Variants in GYS2 observed in about 807,000 individuals in gnomAD.
The protein encoded by GYS2 is glycogen [starch] synthase, liver.
GYS2 carries 80 observed loss-of-function variants against 85.6 expected under a neutral mutation model. The observed-to-expected ratio is 0.93, with a 90% CI of 0.78 to 1.13. The LOEUF is 1.13. Among genes scored for constraint, GYS2 ranks in the 50% most tolerant of loss-of-function variants. GYS2 has a pLI of 0.00. For missense variants in GYS2, 881 were observed against 854.9 expected (o/e 1.03, Z -0.38); for synonymous variants, 328 against 300.7 (o/e 1.09, Z -0.94).
intron 1 of GYS2, among the ~76,000 whole-genome samples, chr12:21,588,875 G>T (rs1944602938): frequency 6.6e-6 from 1 of 152,192 alleles, no homozygotes; most frequent in Non-Finnish European, 1.5e-5. Context: ...ATTTGCAAGG[G>T]CAACTAAAAT....
In GYS2 at chr12:21,563,036, T is replaced by C; in HGVS notation, c.944A>G (p.His315Arg). 6.2e-7 allele frequency: 1 copy of C among 1,609,960 alleles called. No individual in the cohort carries two copies. Reference protein sequence around the residue: ...QDFVRGHFYGHLDFDLEKTLF... With the variant: ...QDFVRGHFYGRLDFDLEKTLF... The stretch of plus-strand genomic sequence containing the variant: ...AGTCTTTTCAAGATCAAAGTCGAGA[T>C]GACTAAAACAAAACAAAACCAAACA... The change falls in exon 7 of 16, where the codon CAT becomes CGT. Residue 315 changes from histidine to arginine, a missense_variant and splice_region_variant. Transcript: ENST00000261195.
intron 11 of GYS2, among the ~76,000 whole-genome samples, chr12:21,552,288 C>G (rs1182200370): frequency 6.6e-6 from 1 of 152,230 alleles, no homozygotes; most frequent in African/African-American, 2.4e-5. Context: ...AGAGCTGAGA[C>G]ATGAAATCTT....
At chr12:21,542,262 C>A (rs11046108) in intron 13 of GYS2, among the ~76,000 whole-genome samples, 79,920 of 151,956 alleles carry the variant, frequency 0.53, 24,176 homozygotes, top group East Asian at 0.77. Flanking sequence ...GTTGGCCATG[C>A]TGGTCTCGAA....
chr12:21,539,391 T>A (rs1943946785), intron 14 of GYS2, 53 bp from the exon 15 acceptor site: 2 of 947,164 alleles, frequency 2.1e-6, no homozygotes, highest in African/African-American at 1.6e-5. Flanking sequence ...GATATCTCAA[T>A]AATCAAGTTA....
At chr12:21,601,824 T>C (rs1432927714) in intron 1 of GYS2, among the ~76,000 whole-genome samples, 35 of 152,160 alleles carry the variant, frequency 2.3e-4, no homozygotes, top group Admixed American at 6.5e-5. Context: ...TGATACCTAA[T>C]AGACACTTGA....
intron 13 of GYS2, among the ~76,000 whole-genome samples, 189 bp downstream of exon 13, chr12:21,542,307 C>T (rs1406254909): frequency 6.6e-6 from 1 of 152,192 alleles, no homozygotes; most frequent in African/African-American, 2.4e-5. Flanking sequence ...ACCTCGGCCT[C>T]CCAAAGTGCT....
At chr12:21,593,837 A>T (rs1378265859) in intron 1 of GYS2, among the ~76,000 whole-genome samples, 2 of 152,094 alleles carry the variant, frequency 1.3e-5, no homozygotes, top group East Asian at 3.9e-4. Context: ...AATATCCCTG[A>T]TGGAACATAG....
At chr12:21,580,241 TTAAG>T in intron 2 of GYS2, 97 bp downstream of exon 2, 3 of 1,089,184 alleles carry the variant, frequency 2.8e-6, no homozygotes, top group Non-Finnish European at 4.2e-6. Context: ...AAAGTTTTCC[TTAAG>T]TAAGTGAATG....
chr12:21,569,355 CAA>C (rs1393668202), intron 4 of GYS2, among the ~76,000 whole-genome samples: 1 of 152,106 alleles, frequency 6.6e-6, no homozygotes. Context: ...TGCCTTTCTC[CAA>C]AGTCTTTTAT....
chr12:21,598,513 C>T (rs1380331942), intron 1 of GYS2, among the ~76,000 whole-genome samples: 1 of 151,962 alleles, frequency 6.6e-6, no homozygotes, highest in Non-Finnish European at 1.5e-5. Flanking sequence ...TCGGTTTTTA[C>T]TGTTTATATA....
intron 1 of GYS2, among the ~76,000 whole-genome samples, chr12:21,588,551 A>C (rs911892154): frequency 1.3e-5 from 2 of 152,232 alleles, no homozygotes; most frequent in Non-Finnish European, 2.9e-5. Context: ...AATTGTCCTT[A>C]AGAATTTCAT....
At chr12:21,553,796 A>ACAC (rs143876613) in intron 11 of GYS2, among the ~76,000 whole-genome samples, 5 of 151,326 alleles carry the variant, frequency 3.3e-5, no homozygotes, top group African/African-American at 2.4e-5. Flanking sequence ...ACACACATAT[A>ACAC]ACACACACAC....
At chr12:21,589,193 A>G (rs1011863653) in intron 1 of GYS2, among the ~76,000 whole-genome samples, 3 of 152,214 alleles carry the variant, frequency 2.0e-5, no homozygotes, top group Admixed American at 2.0e-4. Context: ...AAATTCATAT[A>G]CACTTTGGTA....
At chr12:21,561,826 G>A (rs749724269) in intron 7 of GYS2, among the ~76,000 whole-genome samples, 8 of 152,188 alleles carry the variant, frequency 5.3e-5, no homozygotes, top group South Asian at 2.1e-4. Flanking sequence ...GTTTATTAAC[G>A]TGGCTTTAGT....
chr12:21,581,138 C>T (rs1944504835), intron 1 of GYS2, among the ~76,000 whole-genome samples: 1 of 152,196 alleles, frequency 6.6e-6, no homozygotes, highest in African/African-American at 2.4e-5. Flanking sequence ...TCCAATAACA[C>T]AAATACGTAT....
intron 15 of GYS2, among the ~76,000 whole-genome samples, chr12:21,537,936 A>G (rs1407463556): frequency 6.6e-6 from 1 of 152,202 alleles, no homozygotes; most frequent in East Asian, 1.9e-4. Context: ...CTGTATTTCA[A>G]TTACTTTATA....
chr12:21,584,070 T>C (rs1591805681), intron 1 of GYS2, among the ~76,000 whole-genome samples: 1 of 152,126 alleles, frequency 6.6e-6, no homozygotes. Flanking sequence ...CACCCAAAAG[T>C]GGACAGCCGC....
At chr12:21,599,215 A>G (rs1335987709) in intron 1 of GYS2, among the ~76,000 whole-genome samples, 2 of 152,088 alleles carry the variant, frequency 1.3e-5, no homozygotes, top group Non-Finnish European at 2.9e-5. Context: ...TCATATGACT[A>G]TTTCAGTGTG....
At chr12:21,544,167 C>T (rs1002188248) in intron 12 of GYS2, among the ~76,000 whole-genome samples, 2 of 152,106 alleles carry the variant, frequency 1.3e-5, no homozygotes, top group African/African-American at 2.4e-5. Flanking sequence ...ATCTAATATG[C>T]TAATGTTAAA....
Sources: allele counts gnomAD v4.1 joint callset (sites outside exome capture counted in the v4.1 genomes callset), GRCh38; gene constraint gnomAD v4.1.1; transcripts MANE v1.5; gene names NCBI Gene and HGNC (gene_info 2026-07-23, HGNC 2026-07-21).